The following DLC1 variants were observed in gnomAD, a reference collection of about 807,000 sequenced individuals.
DLC1 encodes rho GTPase-activating protein 7.
Under a neutral mutation model 140.3 loss-of-function variants are expected in DLC1, and 54 were observed. The ratio of observed to expected loss-of-function variants is 0.38; its 90% CI spans 0.31 to 0.48. The LOEUF is 0.48. Among genes scored for constraint, DLC1 ranks in the 20% least tolerant of loss-of-function variants. The probability of loss-of-function intolerance (pLI) is 0.96; values close to 1 mark genes in which losing one functional copy is unlikely to be tolerated. For synonymous variants in DLC1, 986 were observed against 728.1 expected (o/e 1.35, Z -5.70); for missense variants, 2,536 against 1,907.0 (o/e 1.33, Z -6.14).
At chr8:13,512,127 C>T (rs1802399474) in intron 1 of DLC1, among the ~76,000 whole-genome samples, 1 of 152,020 alleles carries the variant, frequency 6.6e-6, no homozygotes, top group Non-Finnish European at 1.5e-5. Flanking sequence ...CTTTACTGCA[C>T]TTATTTCTCA....
At chr8:13,486,720 A>G (rs1013039681) in intron 2 of DLC1, among the ~76,000 whole-genome samples, 3 of 49,998 alleles carry the variant, frequency 6.0e-5, no homozygotes, top group Non-Finnish European at 1.5e-4. Flanking sequence ...TGTTTGTAAG[A>G]TGACACCTAG....
Position 13,372,781 on chromosome 8 carries a change from G to C in DLC1, c.1314+20772C>G, listed in dbSNP as rs191267352. ...TTAGCACAAGAGTTTTATTTATATA[G>C]AAAAGGGCCTATATGGTAAGTTATT... On this transcript the variant is annotated intron_variant, in intron 4 of 17. Transcript: ENST00000276297. Among the ~76,000 whole-genome samples the C allele has an allele frequency of 8.5e-5, 13 of 152,206 alleles. 1 individual carries two copies. Among genetic ancestry groups the C allele is most frequent in the African/African-American group, 3.1e-4 (13 of 41,544 alleles).
intron 1 of DLC1, among the ~76,000 whole-genome samples, chr8:13,500,722 A>G (rs1469203118): frequency 6.6e-6 from 1 of 152,216 alleles, no homozygotes; most frequent in African/African-American, 2.4e-5. Context: ...CCAAACGACC[A>G]GTATGTAGTT....
At chr8:13,214,693 C>A (rs1828110780) in intron 5 of DLC1, 1 of 780,308 alleles carries the variant, frequency 1.3e-6, no homozygotes, top group Non-Finnish European at 2.4e-6. Flanking sequence ...AGGAGACAAA[C>A]CAATTGCCAC....
intron 3 of DLC1, among the ~76,000 whole-genome samples, chr8:13,399,145 T>C (rs1047548707): frequency 3.3e-5 from 5 of 152,164 alleles, no homozygotes; most frequent in African/African-American, 1.2e-4. Context: ...CCGTCAACTT[T>C]CCCTTAATTA....
At chr8:13,267,758 G>C (rs1349496647) in intron 5 of DLC1, among the ~76,000 whole-genome samples, 3 of 151,668 alleles carry the variant, frequency 2.0e-5, no homozygotes, top group African/African-American at 7.3e-5. Flanking sequence ...GTGTGTGTGT[G>C]TGTGTGTGTG....
intron 4 of DLC1, among the ~76,000 whole-genome samples, chr8:13,382,466 C>G (rs953967419): frequency 7.9e-6 from 1 of 126,760 alleles, no homozygotes; most frequent in African/African-American, 3.0e-5. Flanking sequence ...CGAGATTGCG[C>G]CACTGCACTC....
At chr8:13,156,803 G>T (rs2128981727) in intron 5 of DLC1, among the ~76,000 whole-genome samples, 1 of 152,334 alleles carries the variant, frequency 6.6e-6, no homozygotes, top group East Asian at 1.9e-4. Flanking sequence ...ATAACTACTA[G>T]ATTTATCCAG....
chr8:13,492,742 G>A (rs965974535), intron 2 of DLC1, among the ~76,000 whole-genome samples: 6 of 152,142 alleles, frequency 3.9e-5, no homozygotes, highest in African/African-American at 1.4e-4. Flanking sequence ...GATTTTACCA[G>A]ACGCTATACC....
chr8:13,171,627 A>T (rs778247456), intron 5 of DLC1, among the ~76,000 whole-genome samples: 1 of 152,148 alleles, frequency 6.6e-6, no homozygotes, highest in African/African-American at 2.4e-5. Flanking sequence ...GCCTCAAGCA[A>T]TCCTCCCTCC....
chr8:13,108,663 T>C (rs918199067), intron 7 of DLC1, among the ~76,000 whole-genome samples: 1 of 152,202 alleles, frequency 6.6e-6, no homozygotes, highest in Non-Finnish European at 1.5e-5. Context: ...TCCTAAGCTA[T>C]TGCTGCTGTC....
chr8:13,503,432 T>C (rs1298330417), intron 1 of DLC1, among the ~76,000 whole-genome samples: 3 of 152,144 alleles, frequency 2.0e-5, no homozygotes, highest in African/African-American at 4.8e-5. Flanking sequence ...AATGTTACCG[T>C]ATTTAACAAT....
chr8:13,562,081 G>A (rs1804264062), intron 1 of DLC1, among the ~76,000 whole-genome samples: 1 of 152,042 alleles, frequency 6.6e-6, no homozygotes, highest in South Asian at 2.1e-4. Context: ...GATTTTGGTG[G>A]TGGTTACAGA....
chr8:13,212,151 G>A (rs1191525676), intron 5 of DLC1, among the ~76,000 whole-genome samples: 2 of 152,130 alleles, frequency 1.3e-5, no homozygotes, highest in African/African-American at 2.4e-5. Context: ...TTTATGTTAT[G>A]TTATTAAGTT....
chr8:13,600,356 A>G (rs1446198685), intron 1 of DLC1, among the ~76,000 whole-genome samples: 1 of 151,956 alleles, frequency 6.6e-6, no homozygotes, highest in Non-Finnish European at 1.5e-5. Flanking sequence ...ACCTGAAGTA[A>G]TTAAAATTTC....
chr8:13,512,325 T>C (rs189781409), intron 1 of DLC1, among the ~76,000 whole-genome samples: 2 of 152,288 alleles, frequency 1.3e-5, no homozygotes, highest in East Asian at 3.9e-4. Flanking sequence ...AAGGGTCTTG[T>C]CTGAGAAGGT....
chr8:13,586,396 A>T (rs1366035233), intron 1 of DLC1, among the ~76,000 whole-genome samples: 1 of 152,140 alleles, frequency 6.6e-6, no homozygotes, highest in Non-Finnish European at 1.5e-5. Context: ...GGGAGTAGGG[A>T]AGAGTCAAAG....
chr8:13,340,656 T>C (rs780554879), intron 4 of DLC1: 3 of 152,242 alleles, frequency 2.0e-5, no homozygotes, highest in Non-Finnish European at 4.4e-5. Context: ...ACAAGGATGT[T>C]TGACTAGCTG....
intron 5 of DLC1, among the ~76,000 whole-genome samples, chr8:13,299,533 C>T (rs1340325936): frequency 2.2e-5 from 3 of 134,640 alleles, no homozygotes; most frequent in African/African-American, 5.5e-5. Context: ...CTCTCTCTAT[C>T]TCCGCCTATC....
Sources: gnomAD v4.1 joint callset for allele counts (sites outside exome capture counted in the v4.1 genomes callset) on GRCh38, gnomAD v4.1.1 for gene constraint, MANE v1.5 for transcripts, NCBI Gene and HGNC (gene_info 2026-07-23, HGNC 2026-07-21) for gene names.